The following DOCK5 variants were observed in gnomAD, a reference collection of about 807,000 sequenced individuals.
DOCK5 encodes dedicator of cytokinesis 5.
DOCK5 carries 142 observed loss-of-function variants against 251.8 expected under a neutral mutation model. The ratio of observed to expected loss-of-function variants is 0.56; its 90% CI spans 0.49 to 0.65. DOCK5 has a LOEUF of 0.65. DOCK5 is among the 30% of genes least tolerant of loss of function. The pLI is 0.00. For missense variants in DOCK5, 2,111 were observed against 2,312.3 expected (o/e 0.91, Z 1.79); for synonymous variants, 842 against 835.5 (o/e 1.01, Z -0.13).
chr8:25,216,109 T>C (rs1021412367), intron 1 of DOCK5, among the ~76,000 whole-genome samples: 1 of 151,742 alleles, frequency 6.6e-6, no homozygotes, highest in Non-Finnish European at 1.5e-5. Flanking sequence ...TCTATATGTG[T>C]ATACAATATG....
intron 26 of DOCK5, among the ~76,000 whole-genome samples, chr8:25,349,970 G>A (rs1445601881): frequency 6.6e-6 from 1 of 152,210 alleles, no homozygotes; most frequent in Non-Finnish European, 1.5e-5. Context: ...TGACTTCTAT[G>A]TGGAATCTAA....
chr8:25,371,409 A>ACCACT (rs1206159113), intron 34 of DOCK5, among the ~76,000 whole-genome samples: 5 of 152,162 alleles, frequency 3.3e-5, no homozygotes. Flanking sequence ...CGGAGATTGC[A>ACCACT]GTGAACTGAG....
chr8:25,292,717 A>G (rs1449724041), intron 6 of DOCK5, among the ~76,000 whole-genome samples: 2 of 152,174 alleles, frequency 1.3e-5, no homozygotes, highest in Non-Finnish European at 2.9e-5. Flanking sequence ...CAGCCTGGGC[A>G]ACAGAGTGAG....
intron 40 of DOCK5, among the ~76,000 whole-genome samples, chr8:25,386,959 T>A (rs1462615162): frequency 6.6e-6 from 1 of 152,232 alleles, no homozygotes; most frequent in Non-Finnish European, 1.5e-5. Flanking sequence ...GAGTGCTTTA[T>A]AAACTGTAAA....
chr8:25,361,068 T>C (rs1165249906), intron 28 of DOCK5, among the ~76,000 whole-genome samples: 1 of 152,140 alleles, frequency 6.6e-6, no homozygotes, highest in Non-Finnish European at 1.5e-5. Context: ...TTTCAGTCCC[T>C]CATGCTGCCT....
rs754200963 is a variant in DOCK5 at position 25,317,171 on chromosome 8, C to T, written c.1443+40C>T. ...CCAGAAATCCTGCTACCATCGCATCCGTCTTTACAATCACGATAGAATCTT... is the reference window on the plus strand; with the variant it reads ...CCAGAAATCCTGCTACCATCGCATCTGTCTTTACAATCACGATAGAATCTT... On this transcript the variant is annotated intron_variant, in intron 14 of 51. Transcript: ENST00000276440. 1.9e-5 allele frequency: 31 copies of T among 1,603,144 alleles called. No individual in the cohort carries two copies. The Admixed American group carries it at 2.4e-4, about 12-fold the overall frequency.
chr8:25,339,426 A>G (rs567603523), intron 22 of DOCK5, among the ~76,000 whole-genome samples: 3 of 152,266 alleles, frequency 2.0e-5, no homozygotes, highest in Admixed American at 6.5e-5. Context: ...GGCTCCCACT[A>G]TGATGGTGTG....
intron 7 of DOCK5, 26 bp downstream of exon 7, chr8:25,296,674 T>C: frequency 1.9e-6 from 3 of 1,609,288 alleles, no homozygotes; most frequent in Non-Finnish European, 2.5e-6. Context: ...TGTGAAATTC[T>C]GCCCACTGAG....
At chr8:25,373,001 ATTT>A (rs36091443) in intron 35 of DOCK5, among the ~76,000 whole-genome samples, 9,131 of 141,294 alleles carry the variant, frequency 0.065, 290 homozygotes, top group South Asian at 0.11. Context: ...AGTTTTGGGG[ATTT>A]TTTTTTTTTT....
chr8:25,190,775 G>GT (rs755511798), intron 1 of DOCK5, among the ~76,000 whole-genome samples: 1,398 of 53,910 alleles, frequency 0.026, 206 homozygotes, highest in African/African-American at 0.078. Context: ...CTTGGTCATG[G>GT]GTTTTTTTTT....
At chr8:25,305,593 G>T (rs1216526378) in intron 11 of DOCK5, among the ~76,000 whole-genome samples, 2 of 152,108 alleles carry the variant, frequency 1.3e-5, no homozygotes, top group Non-Finnish European at 2.9e-5. Flanking sequence ...TTTGAGAAAG[G>T]ATGAATATTT....
chr8:25,316,480 C>CA (rs999086597), intron 13 of DOCK5, among the ~76,000 whole-genome samples: 13 of 151,628 alleles, frequency 8.6e-5, no homozygotes, highest in South Asian at 4.2e-4. Context: ...GATCATGTAT[C>CA]AAAAAAAAGA....
intron 1 of DOCK5, among the ~76,000 whole-genome samples, chr8:25,234,116 T>C (rs75760691): frequency 0.026 from 3,900 of 152,348 alleles, 194 homozygotes; most frequent in African/African-American, 0.089. Context: ...GTCAAAGTAA[T>C]GACTTGTGTA....
chr8:25,360,244 T>G (rs1336529101), intron 28 of DOCK5, among the ~76,000 whole-genome samples: 1 of 152,176 alleles, frequency 6.6e-6, no homozygotes, highest in African/African-American at 2.4e-5. Flanking sequence ...GGAAGGAAAG[T>G]GCTGTTTGTT....
intron 4 of DOCK5, chr8:25,277,509 A>G (rs1433797985): frequency 6.6e-6 from 1 of 152,122 alleles, no homozygotes; most frequent in Admixed American, 6.5e-5. Flanking sequence ...CACAGGGAAC[A>G]AGAAATGGCA....
In DOCK5 at chr8:25,291,933, G is replaced by A. The variant is rs542368240; in HGVS notation, c.322-91G>A. 137 of 1,224,054 alleles carry A rather than the reference G, an allele frequency of 1.1e-4. No homozygotes were observed. The African/African-American group carries it at 1.6e-3, about 14-fold the overall frequency. 75.8% of individuals were successfully genotyped at this position (1,224,054 alleles called of 1,614,324 possible). On this transcript the variant is annotated intron_variant, in intron 5 of 51. Transcript: ENST00000276440. Reference sequence around the variant, plus strand: ...TCCCTCTCATCTGTCTGACATTCCCGTTAAAAACAAACAAATAAAAAAAGG... The same window carrying A: ...TCCCTCTCATCTGTCTGACATTCCCATTAAAAACAAACAAATAAAAAAAGG...
At chr8:25,199,935 C>A (rs1801840559) in intron 1 of DOCK5, among the ~76,000 whole-genome samples, 1 of 143,684 alleles carries the variant, frequency 7.0e-6, no homozygotes, top group South Asian at 2.2e-4. Context: ...GCCTGTCTAT[C>A]CAATTGTGAC....
intron 1 of DOCK5, among the ~76,000 whole-genome samples, chr8:25,223,208 G>A (rs189511575): frequency 1.5e-4 from 23 of 152,268 alleles, no homozygotes; most frequent in African/African-American, 4.8e-4. Context: ...GTCTCACTAC[G>A]TTGCCCAGGC....
At chr8:25,300,462 T>G (rs1804732911) in intron 8 of DOCK5, 114 bp from the exon 9 acceptor site, 8 of 901,984 alleles carry the variant, frequency 8.9e-6, no homozygotes, top group Non-Finnish European at 1.3e-5. Context: ...CCTGTTGAAT[T>G]TCACTGAGCA....
Sources: allele counts gnomAD v4.1 joint callset (sites outside exome capture counted in the v4.1 genomes callset), GRCh38; gene constraint gnomAD v4.1.1; transcripts MANE v1.5; gene names NCBI Gene and HGNC (gene_info 2026-07-23, HGNC 2026-07-21).